The following KIAA1549 variants were observed in gnomAD, a reference collection of about 807,000 sequenced individuals.
KIAA1549 encodes KIAA1549.
KIAA1549 carries 70 observed loss-of-function variants against 156.4 expected under a neutral mutation model. The ratio of observed to expected loss-of-function variants is 0.45; its 90% CI spans 0.37 to 0.55. KIAA1549 has a LOEUF of 0.55. Ranked by LOEUF, KIAA1549 falls within the 20% of genes least tolerant of loss-of-function variation. The pLI is 0.00. For missense variants in KIAA1549, 2,428 were observed against 2,540.9 expected (o/e 0.96, Z 0.96); for synonymous variants, 1,103 against 1,066.4 (o/e 1.03, Z -0.67).
chr7:138,868,650 A>G (rs959576471), intron 14 of KIAA1549, among the ~76,000 whole-genome samples: 5 of 152,044 alleles, frequency 3.3e-5, no homozygotes, highest in African/African-American at 9.7e-5. Flanking sequence ...CTGGTGTTGA[A>G]CTTCTAACTC....
chr7:138,903,830 TGTGTGTGTGTGTGTGTGTGTGTGCGC>T lies in KIAA1549; in HGVS notation c.3521-120_3521-95del, dbSNP rs1481659451. ...GTGTGTGTGTGTGTGTGTGTGTGTG[TGTGTGTGTGTGTGTGTGTGTGTGCGC>T]GCGCGCGCGCGCGCACATATGTATT... On this transcript the variant is annotated intron_variant, in intron 7 of 19. Transcript: ENST00000422774. The T allele has an allele frequency of 2.7e-4, 89 of 325,288 alleles. 1 individual carries two copies. The highest frequency in any genetic ancestry group is 1.5e-3 in the East Asian group (34 of 22,310). The allele number at this position is 325,288 out of a possible 1,614,324, so 20.2% of individuals were successfully genotyped here. A position where few individuals can be genotyped will look rare whatever the true frequency, so the allele number is the denominator to read the frequency against.
At chr7:138,897,420 A>T (rs1395888443) in intron 9 of KIAA1549, among the ~76,000 whole-genome samples, 2 of 152,188 alleles carry the variant, frequency 1.3e-5, no homozygotes, top group Non-Finnish European at 2.9e-5. Context: ...TCTACTATCA[A>T]GGATAATTTA....
rs115066019 is a variant in KIAA1549, at chr7:138,916,986, G to A, written c.2640C>T (p.Ser880=). 5.7e-4 allele frequency: 912 copies of A among 1,600,392 alleles called. 6 individuals are homozygous for A. In the African/African-American group the frequency reaches 9.6e-3, roughly 17 times the overall value. Residue 880 remains serine, a synonymous_variant, in exon 2 of 20, where the codon TCC becomes TCT. Transcript: ENST00000422774. ...CGGTGCTGGTTGTGCTCACTTCCGT[G>A]GAGGTGTTCAGTGGCACCTCTGTGG... The part of the protein sequence containing the change: ...LTPTEVPLNT[S]TEVSTTSTGA...
chr7:138,976,545 T>C (rs1212473786), intron 1 of KIAA1549, among the ~76,000 whole-genome samples: 1 of 152,224 alleles, frequency 6.6e-6, no homozygotes, highest in Admixed American at 6.5e-5. Flanking sequence ...TACAGTAGAC[T>C]GTTAGAACTG....
rs1272580954 is a variant in KIAA1549 at position 138,838,093 on chromosome 7, C to T, written c.5666G>A (p.Arg1889Lys). 4.5e-6 allele frequency: 7 copies of T among 1,570,892 alleles called. No homozygotes were observed. ...GTTCCCGGAAGGAGCTGAGGGCTCC[C>T]TGCCTGAAGTCCTTGGCACCTGAAA... ...PLFQVPRTSG[R>K]EPSAPSGNLP... Residue 1889 changes from arginine (R) to lysine (K), a missense_variant, in exon 20 of 20, where the codon AGG (arginine) becomes AAG (lysine). Arg to Lys is a conservative substitution (Grantham distance 26). Transcript: ENST00000422774.
At chr7:138,953,709 T>C (rs648984) in intron 1 of KIAA1549, among the ~76,000 whole-genome samples, 63,727 of 152,016 alleles carry the variant, frequency 0.42, 17,643 homozygotes, top group African/African-American at 0.8. Context: ...AATGTTTAAG[T>C]AATAAAATGT....
intron 16 of KIAA1549, among the ~76,000 whole-genome samples, chr7:138,859,106 C>G (rs762425259): frequency 2.0e-5 from 3 of 151,902 alleles, no homozygotes; most frequent in Non-Finnish European, 4.4e-5. Flanking sequence ...GCTGGAAAGT[C>G]TTACATCAAC....
chr7:138,853,880 A>G (rs1459898615), intron 16 of KIAA1549, among the ~76,000 whole-genome samples: 8 of 152,232 alleles, frequency 5.3e-5, no homozygotes, highest in Non-Finnish European at 1.2e-4. Flanking sequence ...CAAAATCTAA[A>G]AAAAAGTCAA....
chr7:138,861,600 TC>T, intron 15 of KIAA1549, 144 bp from the exon 16 acceptor site: 1 of 721,148 alleles, frequency 1.4e-6, no homozygotes, highest in Non-Finnish European at 2.2e-6. Context: ...CACCTTTAAT[TC>T]CAGGATTTGG....
chr7:138,894,233 T>C, intron 10 of KIAA1549, 109 bp downstream of exon 10: 1 of 1,085,312 alleles, frequency 9.2e-7, no homozygotes, highest in Non-Finnish European at 1.4e-6. Context: ...AAGATTTCCA[T>C]AATAGCCCTC....
chr7:138,891,994 C>T (rs1421042708), intron 10 of KIAA1549, among the ~76,000 whole-genome samples: 1 of 152,250 alleles, frequency 6.6e-6, no homozygotes, highest in East Asian at 1.9e-4. Context: ...CAGCAAAACA[C>T]GACTGAGCTT....
chr7:138,835,565 C>T lies in KIAA1549; in HGVS notation c.*2341G>A, dbSNP rs537037842. ...ATGTGCAAGCCTGTATGGCCCTGAG[C>T]GGAACTGGGTGAGAAGGGGCCATTT... On this transcript the variant is annotated 3_prime_UTR_variant, in exon 20 of 20. Transcript: ENST00000422774. 1.8e-5 allele frequency: 4 copies of T among 223,806 alleles called. No individual in the cohort carries two copies. The highest frequency in any genetic ancestry group is 5.8e-5 in the Admixed American group (1 of 17,388). 13.9% of individuals were successfully genotyped at this position (223,806 alleles called of 1,614,324 possible). A position where few individuals can be genotyped will look rare whatever the true frequency, so the allele number is the denominator to read the frequency against.
intron 2 of KIAA1549, among the ~76,000 whole-genome samples, chr7:138,913,531 A>G (rs1484593839): frequency 6.6e-6 from 1 of 152,178 alleles, no homozygotes; most frequent in Non-Finnish European, 1.5e-5. Flanking sequence ...ATTAGAATAC[A>G]CTTGATATTA....
At chr7:138,895,149 C>T (rs77076656) in intron 9 of KIAA1549, among the ~76,000 whole-genome samples, 4,952 of 152,262 alleles carry the variant, frequency 0.033, 252 homozygotes, top group African/African-American at 0.11. Context: ...AAGCGAAATC[C>T]CTTGAGGTGC....
chr7:138,919,961 A>G (rs1812512318), intron 1 of KIAA1549, among the ~76,000 whole-genome samples: 1 of 152,202 alleles, frequency 6.6e-6, no homozygotes. Flanking sequence ...CCCAAGTAAG[A>G]GAGTTCCCCA....
chr7:138,922,503 A>G (rs915232484), intron 1 of KIAA1549, among the ~76,000 whole-genome samples: 9 of 152,158 alleles, frequency 5.9e-5, no homozygotes. Context: ...TATGAGACCC[A>G]TTTTTTAAGG....
At chr7:138,900,738 G>A (rs767707741) in intron 8 of KIAA1549, among the ~76,000 whole-genome samples, 25 of 152,216 alleles carry the variant, frequency 1.6e-4, no homozygotes, top group Non-Finnish European at 4.4e-5. Context: ...GTGTTAGAAA[G>A]GGCCTGGCAC....
chr7:138,838,344 G>A (rs1390948447), intron 19 of KIAA1549, among the ~76,000 whole-genome samples, 184 bp from the exon 20 acceptor site: 1 of 152,216 alleles, frequency 6.6e-6, no homozygotes, highest in Non-Finnish European at 1.5e-5. Flanking sequence ...GGGGAGAACA[G>A]AAGGGAGGGA....
At chr7:138,873,820 C>T (rs968791047) in intron 12 of KIAA1549, among the ~76,000 whole-genome samples, 15 of 151,468 alleles carry the variant, frequency 9.9e-5, no homozygotes, top group African/African-American at 3.6e-4. Flanking sequence ...AGGGACCAAG[C>T]GGAGGAGAGG....
Sources: gnomAD v4.1 joint callset for allele counts (sites outside exome capture counted in the v4.1 genomes callset) on GRCh38, gnomAD v4.1.1 for gene constraint, MANE v1.5 for transcripts, NCBI Gene and HGNC (gene_info 2026-07-23, HGNC 2026-07-21) for gene names.